The following CAD variants were observed in gnomAD, a reference collection of about 807,000 sequenced individuals.
CAD encodes the protein multifunctional protein CAD.
CAD carries 81 observed loss-of-function variants against 237.2 expected under a neutral mutation model. The observed-to-expected ratio is 0.34, with a 90% CI of 0.29 to 0.41. The LOEUF (loss-of-function observed/expected upper bound fraction) is 0.41. Among genes scored for constraint, CAD ranks in the 10% least tolerant of loss-of-function variants. The probability of loss-of-function intolerance (pLI) is 1.00; values close to 1 mark genes in which losing one functional copy is unlikely to be tolerated. For synonymous variants in CAD, 1,196 were observed against 1,162.8 expected (o/e 1.03, Z -0.58); for missense variants, 2,181 against 2,951.7 (o/e 0.74, Z 6.05).
intron 2 of CAD, 141 bp from the exon 3 acceptor site, chr2:27,221,077 C>A: frequency 1.9e-6 from 1 of 524,850 alleles, no homozygotes; most frequent in Non-Finnish European, 3.1e-6. Flanking sequence ...AATGGAAATA[C>A]CTATGCAAAA....
chr2:27,225,195 G>A lies in CAD; in HGVS notation c.1572G>A (p.Glu524=), dbSNP rs776467998. The change falls in exon 11 of 44, where the codon GAG becomes GAA. Residue 524 remains glutamate (E), a synonymous_variant. Coordinates refer to ENST00000264705, the MANE Select transcript of CAD (RefSeq NM_004341.5). ...GGGCCTTTGCTGCCAGAATGGCAGA[G>A]ATCGGAGAGCATGTGGCCCCGAGCG... is the stretch of plus-strand genomic sequence containing the variant. ...DRRAFAARMA[E]IGEHVAPSEA... 3.7e-6 allele frequency: 6 copies of A among 1,614,040 alleles called. No individual in the cohort carries two copies. The East Asian group carries it at 1.3e-4, about 36-fold the overall frequency.
chr2:27,223,945 G>T lies in CAD; in HGVS notation c.1024G>T (p.Gly342Cys). The T allele has an allele frequency of 6.2e-7, 1 of 1,613,860 alleles. No homozygotes were observed. The highest frequency in any genetic ancestry group is 8.5e-7 in the Non-Finnish European group (1 of 1,179,750). Residue 342 changes from glycine (G) to cysteine (C), a missense_variant, in exon 8 of 44, where the codon GGC (glycine) becomes TGC (cysteine). Physicochemically the swap from Gly to Cys is radical, Grantham distance 159. Coordinates refer to ENST00000264705, the MANE Select transcript of CAD (RefSeq NM_004341.5). ...SVQFHPEHQA[G>C]PSDMELLFDI... The stretch of plus-strand genomic sequence containing the variant: ...CCAGTTTCACCCAGAGCACCAAGCT[G>T]GCCCTTCAGATATGGAACTGCTTTT...
chr2:27,219,554 A>T (rs1043450257), intron 2 of CAD, among the ~76,000 whole-genome samples: 2 of 151,890 alleles, frequency 1.3e-5, no homozygotes, highest in Non-Finnish European at 2.9e-5. Context: ...CACATTGCCC[A>T]GGCTTGTATG....
At chr2:27,228,862 A>G (rs1044071881) in intron 15 of CAD, among the ~76,000 whole-genome samples, 18 of 146,928 alleles carry the variant, frequency 1.2e-4, no homozygotes, top group African/African-American at 4.3e-4. Context: ...AAGTGCTGGG[A>G]TTACAGGCCA....
intron 15 of CAD, among the ~76,000 whole-genome samples, chr2:27,228,503 C>G (rs890923261): frequency 6.6e-6 from 1 of 152,192 alleles, no homozygotes; most frequent in African/African-American, 2.4e-5. Context: ...GTGGGAGGAT[C>G]GCTTGAGCCC....
Position 27,221,281 on chromosome 2 carries a change from A to C in CAD, c.286A>C (p.Ser96Arg), listed in dbSNP as rs371907143. The change falls in exon 3 of 44, where the codon AGC becomes CGC. Residue 96 changes from serine (S) to arginine (R), a missense_variant. Physicochemically the swap from Ser to Arg is moderately radical, Grantham distance 110. This residue lies in a region of CAD where 314 missense variants were observed against 339.4 expected (regional missense o/e 0.93). Transcript: ENST00000264705. ...AGTGGGAGAGTGCTGTCCTACTCCCAGCCACTGGAGTGCCACCCGCACCCT... is the reference window on the plus strand; with the variant it reads ...AGTGGGAGAGTGCTGTCCTACTCCCCGCCACTGGAGTGCCACCCGCACCCT... ...LVVGECCPTP[S>R]HWSATRTLHE... 3.1e-6 allele frequency: 5 copies of C among 1,592,826 alleles called. No individual in the cohort carries two copies. The highest frequency in any genetic ancestry group is 4.3e-6 in the Non-Finnish European group (5 of 1,169,844).
At chr2:27,224,145 G>C in intron 8 of CAD, 116 bp downstream of exon 8, 1 of 926,484 alleles carries the variant, frequency 1.1e-6, no homozygotes, top group Non-Finnish European at 1.7e-6. Context: ...AAGGGTATTG[G>C]GGATGGGTGG....
In CAD at chr2:27,221,324, A is replaced by G; in HGVS notation, c.329A>G (p.Gln110Arg). The change falls in exon 3 of 44, where the codon CAG becomes CGG. Residue 110 changes from glutamine to arginine, a missense_variant. Physicochemically the swap from Gln to Arg is conservative, Grantham distance 43. This residue lies in a region of CAD where 314 missense variants were observed against 339.4 expected (regional missense o/e 0.93). Coordinates refer to ENST00000264705, the MANE Select transcript of CAD (RefSeq NM_004341.5). ...ATRTLHEWLQ[Q>R]HGIPGLQGVD... ...CGCACCCTGCATGAGTGGCTGCAGC[A>G]GCATGGCATCCCTGGCTTGCAAGGT... 2 of 1,579,190 alleles carry G rather than the reference A, an allele frequency of 1.3e-6. No individual in the cohort carries two copies. Among genetic ancestry groups the G allele is most frequent in the Non-Finnish European group, 1.7e-6 (2 of 1,163,704 alleles).
In CAD at chr2:27,224,026, A is replaced by G; in HGVS notation, c.1105A>G (p.Thr369Ala). Residue 369 changes from threonine to alanine, a missense_variant, in exon 8 of 44, where the codon ACA becomes GCA. Transcript: ENST00000264705. ...CACAGCTGGGAACCCTGGGGGCCAG[A>G]CAGGTAAGATCCTGAGTAGAACTGG... is the stretch of plus-strand genomic sequence containing the variant. ...EATAGNPGGQ[T>A]VRERLTERLC... 1 of 1,606,954 alleles carries G rather than the reference A, an allele frequency of 6.2e-7. No homozygotes were observed. The highest frequency in any genetic ancestry group is 8.5e-7 in the Non-Finnish European group (1 of 1,173,396).
Position 27,239,493 on chromosome 2 carries a change from G to C in CAD, c.5394+22G>C. The C allele has an allele frequency of 3.7e-6, 6 of 1,610,902 alleles. No individual in the cohort carries two copies. Among genetic ancestry groups the C allele is most frequent in the Non-Finnish European group, 4.2e-6 (5 of 1,178,140 alleles). Reference sequence around the variant, plus strand: ...GCAGGTACGCAAGTAGCCCCTGCCTGATCTCAGTAGTGCCCTCTTCTGCAC... The same window carrying C: ...GCAGGTACGCAAGTAGCCCCTGCCTCATCTCAGTAGTGCCCTCTTCTGCAC... On this transcript the variant is annotated intron_variant, in intron 33 of 43. Transcript: ENST00000264705. The surrounding 1 kb of genome is among the most constrained non-coding windows in gnomAD (Gnocchi z 4.0).
chr2:27,235,887 A>T lies in CAD; in HGVS notation c.4074+247A>T. 2.0e-6 allele frequency: 1 copy of T among 492,982 alleles called. No homozygotes were observed. The highest frequency in any genetic ancestry group is 3.6e-6 in the Non-Finnish European group (1 of 278,384). The allele number at this position is 492,982 out of a possible 1,614,324, so 30.5% of individuals were successfully genotyped here. ...AGATGCTGTCTCAAAAAAAAAAAAA[A>T]CAAAGAATTATCTCCTATTCCCCTG... On this transcript the variant is annotated intron_variant, in intron 25 of 43. Coordinates refer to ENST00000264705, the MANE Select transcript of CAD (RefSeq NM_004341.5). The surrounding 1 kb of genome is among the most constrained non-coding windows in gnomAD (Gnocchi z 5.2).
At chr2:27,221,119 C>A in intron 2 of CAD, 99 bp from the exon 3 acceptor site, 2 of 1,035,380 alleles carry the variant, frequency 1.9e-6, no homozygotes, top group Non-Finnish European at 2.7e-6. Flanking sequence ...GAAGGCCATT[C>A]AATGTGGCTG....
In CAD at chr2:27,237,660, A is replaced by G; in HGVS notation, c.4564-58A>G. On this transcript the variant is annotated intron_variant, in intron 28 of 43. Transcript: ENST00000264705. The surrounding 1 kb of genome is among the most constrained non-coding windows in gnomAD (Gnocchi z 4.0). ...CCTATGGGCCCAGGCCACTGGTGCC[A>G]GGCTAGCCTGTGTGGGCATGGGTGC... The G allele has an allele frequency of 6.3e-7, 1 of 1,580,406 alleles. No homozygotes were observed. The highest frequency in any genetic ancestry group is 1.3e-5 in the African/African-American group (1 of 74,370).
In CAD at chr2:27,222,644, T is replaced by C. The variant is rs531741869; in HGVS notation, c.621T>C (p.His207=). 5.5e-5 allele frequency: 88 copies of C among 1,613,706 alleles called. No homozygotes were observed. The highest frequency in any genetic ancestry group is 2.5e-4 in the Admixed American group (15 of 60,000). Residue 207 remains histidine, a synonymous_variant, in exon 5 of 44, where the codon CAT becomes CAC. Coordinates refer to ENST00000264705, the MANE Select transcript of CAD (RefSeq NM_004341.5). ...AGGTCACTGTGGTACCCTGGGACCA[T>C]GCACTAGACAGCCAAGGTGAGTAGC... ...GAEVTVVPWD[H]ALDSQEYEGL...
intron 15 of CAD, among the ~76,000 whole-genome samples, chr2:27,231,208 A>G (rs936331499): frequency 3.9e-5 from 6 of 152,084 alleles, no homozygotes; most frequent in Non-Finnish European, 5.9e-5. Flanking sequence ...GGGTTTCACC[A>G]TGTTAGCCAG....
chr2:27,232,047 T>C lies in CAD; in HGVS notation c.2468T>C (p.Val823Ala), dbSNP rs756915889. 3 of 1,614,238 alleles carry C rather than the reference T, an allele frequency of 1.9e-6. No individual in the cohort carries two copies. The highest frequency in any genetic ancestry group is 2.2e-5 in the South Asian group (2 of 91,086). Residue 823 changes from valine to alanine, a missense_variant, in exon 17 of 44, where the codon GTG becomes GCG. This residue lies in a region of CAD where 385 missense variants were observed against 535.1 expected (regional missense o/e 0.72). Coordinates refer to ENST00000264705, the MANE Select transcript of CAD (RefSeq NM_004341.5). This position sits in a 1 kb window ranked among gnomAD's most constrained non-coding sequence, Gnocchi z 4.1. ...VAAALWAGYS[V>A]DRLYELTRID... ...GCTGCTTTGTGGGCTGGTTATTCAG[T>C]GGACCGCCTGTATGAGCTCACACGC...
chr2:27,226,500 G>C, intron 13 of CAD, 25 bp from the exon 14 acceptor site: 1 of 1,613,326 alleles, frequency 6.2e-7, no homozygotes, highest in Non-Finnish European at 8.5e-7. Flanking sequence ...TTCTAGGCCA[G>C]TGACTTTATT....
intron 15 of CAD, 136 bp downstream of exon 15, chr2:27,227,098 C>T (rs1254644333): frequency 8.2e-6 from 6 of 732,598 alleles, no homozygotes; most frequent in African/African-American, 3.5e-5. Context: ...GATTATAGTC[C>T]TTGTCAGGAG....
rs149927757 is a variant in CAD at position 27,217,905 on chromosome 2, C to A, written c.111C>A (p.Pro37=). The part of the protein sequence containing the change: ...VVFQTGMVGY[P]EALTDPSYKA... ...TTCAAACCGGCATGGTCGGCTACCC[C>A]GAGGCCCTCACTGATCCCTCCTACA... Residue 37 remains proline (P), a synonymous_variant, in exon 2 of 44, where the codon CCC becomes CCA. Transcript: ENST00000264705. 7.5e-6 allele frequency: 12 copies of A among 1,609,712 alleles called. No homozygotes were observed. Among genetic ancestry groups the A allele is most frequent in the Non-Finnish European group, 1.0e-5 (12 of 1,178,146 alleles).
Sources: allele counts gnomAD v4.1 joint callset (sites outside exome capture counted in the v4.1 genomes callset), GRCh38; gene constraint gnomAD v4.1.1; regional missense constraint gnomAD v4.1.1; non-coding constraint Gnocchi (gnomAD v3.1); transcripts MANE v1.5; gene names NCBI Gene and HGNC (gene_info 2026-07-23, HGNC 2026-07-21).